The following RP1 variants were observed in gnomAD, a reference collection of about 807,000 sequenced individuals.
RP1 encodes the protein RP1 axonemal microtubule associated, also known as oxygen-regulated protein 1.
A neutral mutation model predicts 14.8 loss-of-function variants in RP1; 16 were observed. That is an observed-to-expected ratio of 1.08 (90% confidence interval 0.73 to 1.65). The LOEUF is 1.65. Ranked by LOEUF, RP1 falls within the 40% of genes most tolerant of loss-of-function variation. The pLI, the probability that RP1 is intolerant of heterozygous loss-of-function variation, is 0.00. For missense variants in RP1, 2,631 were observed against 2,535.0 expected, an observed-to-expected ratio of 1.04 and a Z score of -0.81; for synonymous variants, 876 against 883.6, an observed-to-expected ratio of 0.99 and a Z score of 0.15.
intron 9 of RP1, chr8:54,678,644 G>A: frequency 1.2e-6 from 1 of 835,730 alleles, no homozygotes; most frequent in Non-Finnish European, 1.8e-6. Flanking sequence ...CTGAGTCTTT[G>A]TTGGGTAACT....
chr8:54,642,535 A>T (rs1305125561), intron 3 of RP1, among the ~76,000 whole-genome samples: 1 of 152,122 alleles, frequency 6.6e-6, no homozygotes, highest in East Asian at 1.9e-4. Context: ...AGATAATAGT[A>T]TCCAAATTTT....
chr8:54,764,472 A>G (rs914315520), intron 22 of RP1, among the ~76,000 whole-genome samples: 9 of 152,230 alleles, frequency 5.9e-5, no homozygotes, highest in African/African-American at 1.7e-4. Flanking sequence ...TCCTGAAGCT[A>G]CAGGTTGGGA....
At chr8:54,696,892 T>C (rs1563350760) in intron 12 of RP1, 5 of 786,182 alleles carry the variant, frequency 6.4e-6, no homozygotes, top group Non-Finnish European at 1.1e-5. Context: ...ATAAGATCGT[T>C]CTTCTGACAG....
chr8:54,734,636 C>T lies in RP1; in HGVS notation c.2613C>T (p.Ala871=), dbSNP rs1470571469. The change falls in exon 18 of 23, where the codon GCC becomes GCT. Residue 871 remains alanine, a synonymous_variant. Coordinates refer to the RP1 transcript ENST00000636932. ...TGACAGGAAATACAGGAACTCAAGCCAATGTCACTCTCTGGGTGTATGGAG... is the reference window on the plus strand; with the variant it reads ...TGACAGGAAATACAGGAACTCAAGCTAATGTCACTCTCTGGGTGTATGGAG... The T allele has an allele frequency of 2.0e-6, 3 of 1,535,718 alleles. No individual in the cohort carries two copies. The East Asian group carries it at 7.3e-5, about 38-fold the overall frequency.
chr8:54,862,030 G>A (rs1812353792), intron 27 of RP1, among the ~76,000 whole-genome samples: 1 of 152,232 alleles, frequency 6.6e-6, no homozygotes, highest in South Asian at 2.1e-4. Context: ...CAGCTGGTAG[G>A]TGTTACTACC....
At chr8:54,839,768 GC>G (rs1426804608) in intron 25 of RP1, among the ~76,000 whole-genome samples, 1 of 152,134 alleles carries the variant, frequency 6.6e-6, no homozygotes, top group African/African-American at 2.4e-5. Context: ...ATGGGTACGT[GC>G]CCCCAGATAC....
chr8:54,661,031 A>C (rs954593133), intron 6 of RP1, among the ~76,000 whole-genome samples: 2 of 151,622 alleles, frequency 1.3e-5, no homozygotes, highest in Non-Finnish European at 1.5e-5. Context: ...ATAATAAGGA[A>C]GCCTGAGTGT....
chr8:54,594,690 G>A (rs1396209488), intron 1 of RP1, among the ~76,000 whole-genome samples: 3 of 152,024 alleles, frequency 2.0e-5, no homozygotes, highest in East Asian at 1.9e-4. Flanking sequence ...TTCATTAGGG[G>A]TACTTAAATG....
chr8:54,565,881 T>C (rs1225110596), intron 1 of RP1, among the ~76,000 whole-genome samples: 1 of 152,118 alleles, frequency 6.6e-6, no homozygotes, highest in East Asian at 1.9e-4. Context: ...GTCAGCAGGG[T>C]TGGCTCCTCC....
rs763348950 is a variant in RP1 at position 54,628,124 on chromosome 8, T to C, written c.4242T>C (p.His1414=). The change falls in exon 4 of 4, where the codon CAT becomes CAC. Residue 1414 remains histidine (H), a synonymous_variant. Transcript: ENST00000220676. ...AAGAAGCAGAACTTGATAAGAAACA[T>C]AGTTCTCTAGATGATTTTGAAAATT... ...SEKEAELDKK[H]SSLDDFENCS... is the part of the protein sequence containing the mutation. 1 of 1,613,970 alleles carries C rather than the reference T, an allele frequency of 6.2e-7. No homozygotes were observed. The highest frequency in any genetic ancestry group is 8.5e-7 in the Non-Finnish European group (1 of 1,179,892).
chr8:54,801,703 T>G (rs534302107), intron 24 of RP1, among the ~76,000 whole-genome samples: 5 of 152,186 alleles, frequency 3.3e-5, no homozygotes, highest in Non-Finnish European at 7.3e-5. Context: ...CAAACTCTTA[T>G]GCTTCCCATA....
intron 19 of RP1, among the ~76,000 whole-genome samples, chr8:54,743,493 C>T (rs1809148147): frequency 1.3e-5 from 2 of 152,092 alleles, no homozygotes. Flanking sequence ...TCCTTCTCTC[C>T]ATTTCAAAAT....
intron 15 of RP1, among the ~76,000 whole-genome samples, chr8:54,719,941 C>T (rs1052224074): frequency 1.3e-5 from 2 of 152,208 alleles, no homozygotes; most frequent in Non-Finnish European, 2.9e-5. Flanking sequence ...CTCAACCCAT[C>T]ATGTGGTCTC....
intron 19 of RP1, among the ~76,000 whole-genome samples, chr8:54,742,554 C>T (rs1809124335): frequency 6.6e-6 from 1 of 152,048 alleles, no homozygotes; most frequent in African/African-American, 2.4e-5. Flanking sequence ...TAATACATGC[C>T]CTGCATTATG....
intron 12 of RP1, among the ~76,000 whole-genome samples, chr8:54,698,778 T>C (rs2129342543): frequency 6.6e-6 from 1 of 151,886 alleles, no homozygotes; most frequent in East Asian, 1.9e-4. Flanking sequence ...CTCAGCAAAG[T>C]AACACAAGAA....
rs186218657 is a variant in RP1 at position 54,697,843 on chromosome 8, G to T, written c.1718-1624G>T. On this transcript the variant is annotated intron_variant, in intron 12 of 22. Transcript: ENST00000636932. ...TGGGAAAACTGGCTAGCCATATGTA[G>T]AAAGCCGAAACTGGATCCCTTCATT... Among the ~76,000 whole-genome samples the T allele has an allele frequency of 1.9e-3, 288 of 152,260 alleles. 2 individuals carry two copies. Among genetic ancestry groups the T allele is most frequent in the African/African-American group, 6.6e-3 (273 of 41,546 alleles).
intron 24 of RP1, among the ~76,000 whole-genome samples, chr8:54,823,793 T>A (rs1235256696): frequency 6.6e-6 from 1 of 152,228 alleles, no homozygotes; most frequent in Non-Finnish European, 1.5e-5. Context: ...GGACATGGTT[T>A]TCCATTTCTC....
chr8:54,598,792 C>G (rs1429490970), intron 1 of RP1, among the ~76,000 whole-genome samples: 3 of 152,180 alleles, frequency 2.0e-5, no homozygotes, highest in Non-Finnish European at 2.9e-5. Flanking sequence ...TTGCAATATC[C>G]TTCGGAGCTT....
chr8:54,849,404 T>C (rs1812007397), intron 25 of RP1, among the ~76,000 whole-genome samples: 1 of 152,168 alleles, frequency 6.6e-6, no homozygotes, highest in East Asian at 1.9e-4. Context: ...CCTAAACTTC[T>C]AGTGAAAAAT....
Sources: gnomAD v4.1 joint callset for allele counts (sites outside exome capture counted in the v4.1 genomes callset) on GRCh38, gnomAD v4.1.1 for gene constraint, MANE v1.5 for transcripts, NCBI Gene and HGNC (gene_info 2026-07-23, HGNC 2026-07-21) for gene names.